The following MEI4 variants were observed in gnomAD, a reference collection of about 807,000 sequenced individuals.
MEI4 encodes meiotic double-stranded break formation protein 4, also known as meiosis-specific protein MEI4.
Under a neutral mutation model 31.4 loss-of-function variants are expected in MEI4, and 27 were observed. The ratio of observed to expected loss-of-function variants is 0.86; its 90% CI spans 0.63 to 1.19. The LOEUF (loss-of-function observed/expected upper bound fraction) is 1.19, where lower values mean the gene tolerates loss of function less well. Ranked by LOEUF, MEI4 falls within the 50% of genes most tolerant of loss-of-function variation. MEI4 has a pLI of 0.00. For synonymous variants in MEI4, 122 were observed against 145.4 expected, an observed-to-expected ratio of 0.84 and a Z score of 1.16; for missense variants, 329 against 398.9, an observed-to-expected ratio of 0.82 and a Z score of 1.49.
chr6:77,781,766 T>C (rs1768602900), intron 3 of MEI4, among the ~76,000 whole-genome samples: 1 of 152,140 alleles, frequency 6.6e-6, no homozygotes, highest in African/African-American at 2.4e-5. Flanking sequence ...CAGGCCTACT[T>C]AAGAGCTCTA....
intron 2 of MEI4, among the ~76,000 whole-genome samples, chr6:77,759,196 C>G (rs968309249): frequency 3.3e-5 from 5 of 152,104 alleles, no homozygotes; most frequent in Admixed American, 6.6e-5. Flanking sequence ...ACTTTTATGA[C>G]ACAATCATTT....
intron 4 of MEI4, among the ~76,000 whole-genome samples, chr6:77,902,339 A>C (rs1275872691): frequency 6.6e-6 from 1 of 152,124 alleles, no homozygotes; most frequent in East Asian, 1.9e-4. Context: ...CAGTCCATGA[A>C]CCACAGGCAT....
At chr6:77,885,250 G>A (rs992661968) in intron 4 of MEI4, among the ~76,000 whole-genome samples, 7 of 151,340 alleles carry the variant, frequency 4.6e-5, no homozygotes, top group African/African-American at 1.7e-4. Flanking sequence ...CAGTGGTGCA[G>A]TCATAGCTCA....
intron 2 of MEI4, among the ~76,000 whole-genome samples, chr6:77,732,729 G>A (rs1767046450): frequency 6.6e-6 from 1 of 152,014 alleles, no homozygotes; most frequent in Non-Finnish European, 1.5e-5. Context: ...AATGCTTCCA[G>A]TTTTTGCCCA....
chr6:77,713,212 G>A (rs1455564324), intron 2 of MEI4, among the ~76,000 whole-genome samples: 1 of 152,018 alleles, frequency 6.6e-6, no homozygotes, highest in Non-Finnish European at 1.5e-5. Flanking sequence ...ACAATGGTTT[G>A]GATATTGAGG....
chr6:77,878,595 G>A (rs1007122074), intron 4 of MEI4, among the ~76,000 whole-genome samples: 1 of 151,974 alleles, frequency 6.6e-6, no homozygotes, highest in Non-Finnish European at 1.5e-5. Flanking sequence ...TATAATGAAT[G>A]TTTTCATTTC....
intron 3 of MEI4, among the ~76,000 whole-genome samples, chr6:77,788,066 A>G (rs1768796822): frequency 6.6e-6 from 1 of 152,200 alleles, no homozygotes; most frequent in Non-Finnish European, 1.5e-5. Context: ...GAATAGTTTC[A>G]GAAGGAATGG....
At chr6:77,904,853 C>A (rs1209831490) in intron 4 of MEI4, among the ~76,000 whole-genome samples, 2 of 152,032 alleles carry the variant, frequency 1.3e-5, no homozygotes, top group African/African-American at 4.8e-5. Flanking sequence ...ATATTGTGTA[C>A]CCTTGAACAG....
At position 77,783,091 on chromosome 6, in the gene MEI4, A is replaced by G. The variant is rs74857770; in HGVS notation, c.768+21426A>G. ...AATCATGGTGACATTTTTATCTGGG[A>G]AACAGAAGAATTGAGTTTTTCCTAC... On this transcript the variant is annotated intron_variant, in intron 3 of 4. Transcript: ENST00000684080. Among the ~76,000 whole-genome samples, 1,187 of 152,214 alleles carry G rather than the reference A, an allele frequency of 7.8e-3. 18 individuals carry two copies. Among genetic ancestry groups the G allele is most frequent in the African/African-American group, 0.027 (1,138 of 41,550 alleles).
intron 3 of MEI4, among the ~76,000 whole-genome samples, chr6:77,802,704 A>C (rs994931481): frequency 6.6e-5 from 10 of 152,118 alleles, no homozygotes; most frequent in Non-Finnish European, 1.2e-4. Context: ...TTATCTGTAA[A>C]GGATTTTATT....
chr6:77,741,607 G>A (rs1157630), intron 2 of MEI4, among the ~76,000 whole-genome samples: 29,974 of 151,996 alleles, frequency 0.2, 3,216 homozygotes, highest in African/African-American at 0.27. Context: ...ACATCATTCT[G>A]TGTGTTTTTT....
intron 1 of MEI4, among the ~76,000 whole-genome samples, chr6:77,654,667 T>G (rs1459975187): frequency 1.3e-5 from 2 of 151,640 alleles, no homozygotes; most frequent in African/African-American, 4.9e-5. Flanking sequence ...AAATGCAATA[T>G]TTTTTCGTTG....
intron 2 of MEI4, among the ~76,000 whole-genome samples, chr6:77,732,253 C>A (rs1322594282): frequency 6.6e-6 from 1 of 151,860 alleles, no homozygotes; most frequent in African/African-American, 2.4e-5. Flanking sequence ...ATTCTTTCTA[C>A]CCATGAGCAT....
chr6:77,653,511 A>T (rs1259655127), intron 1 of MEI4, among the ~76,000 whole-genome samples: 2 of 152,204 alleles, frequency 1.3e-5, no homozygotes, highest in Non-Finnish European at 2.9e-5. Context: ...AAATGAAGGT[A>T]CTATTGCTGC....
At chr6:77,661,671 G>T (rs879176965) in intron 1 of MEI4, among the ~76,000 whole-genome samples, 4 of 152,154 alleles carry the variant, frequency 2.6e-5, no homozygotes, top group Admixed American at 6.5e-5. Context: ...TCTAAGAGAC[G>T]GGCTAGCGGC....
Position 77,695,680 on chromosome 6 carries a change from T to C in MEI4, c.232+4777T>C, listed in dbSNP as rs530142661. On this transcript the variant is annotated intron_variant, in intron 2 of 4. Transcript: ENST00000684080. Reference sequence around the variant, plus strand: ...TGGTTACTGTAGCCTTGTAGTATAGTTTGAAGTCAGGTAGCATGATGCCTC... The same window carrying C: ...TGGTTACTGTAGCCTTGTAGTATAGCTTGAAGTCAGGTAGCATGATGCCTC... Among the ~76,000 whole-genome samples, 19 of 152,318 alleles carry C rather than the reference T, an allele frequency of 1.2e-4. No individual in the cohort carries two copies. The South Asian group carries it at 3.7e-3, about 30-fold the overall frequency.
chr6:77,675,225 ATCTTT>A (rs762407669), intron 1 of MEI4, among the ~76,000 whole-genome samples: 3 of 151,952 alleles, frequency 2.0e-5, no homozygotes, highest in Admixed American at 6.6e-5. Context: ...TTAATGGATT[ATCTTT>A]TCTTTATTAA....
chr6:77,696,117 A>G (rs538080507), intron 2 of MEI4, among the ~76,000 whole-genome samples: 1 of 152,296 alleles, frequency 6.6e-6, no homozygotes, highest in African/African-American at 2.4e-5. Flanking sequence ...TTGATTTTGT[A>G]TCCTGAGACT....
intron 3 of MEI4, among the ~76,000 whole-genome samples, chr6:77,807,564 A>G (rs904851678): frequency 6.6e-6 from 1 of 152,142 alleles, no homozygotes; most frequent in Non-Finnish European, 1.5e-5. Flanking sequence ...AAAACCAAGG[A>G]CTAGTCTAAG....
Sources: gnomAD v4.1 joint callset for allele counts (sites outside exome capture counted in the v4.1 genomes callset) on GRCh38, gnomAD v4.1.1 for gene constraint, MANE v1.5 for transcripts, NCBI Gene and HGNC (gene_info 2026-07-23, HGNC 2026-07-21) for gene names.